SDK2: variants seen among roughly 807,000 people sequenced by gnomAD.
The protein encoded by SDK2 is sidekick cell adhesion molecule 2.
SDK2 carries 105 observed loss-of-function variants against 253.9 expected under a neutral mutation model. The observed-to-expected ratio is 0.41, with a 90% CI of 0.35 to 0.49. The LOEUF (loss-of-function observed/expected upper bound fraction) is 0.49. Among genes scored for constraint, SDK2 ranks in the 20% least tolerant of loss-of-function variants. The probability of loss-of-function intolerance (pLI) is 0.06; values close to 1 mark genes in which losing one functional copy is unlikely to be tolerated. For synonymous variants in SDK2, 1,249 were observed against 1,234.9 expected, an observed-to-expected ratio of 1.01 and a Z score of -0.24; for missense variants, 2,608 against 3,003.0, an observed-to-expected ratio of 0.87 and a Z score of 3.07.
At chr17:73,522,245 C>T (rs2064086072) in intron 1 of SDK2, among the ~76,000 whole-genome samples, 1 of 152,228 alleles carries the variant, frequency 6.6e-6, no homozygotes, top group South Asian at 2.1e-4. Flanking sequence ...GATGGGCTGC[C>T]CCAAAGGCAG....
At chr17:73,561,377 G>C (rs915834040) in intron 1 of SDK2, among the ~76,000 whole-genome samples, 2 of 152,240 alleles carry the variant, frequency 1.3e-5, no homozygotes, top group Non-Finnish European at 2.9e-5. Flanking sequence ...GGCTAGGGTA[G>C]GGAGAGAAGA....
intron 2 of SDK2, among the ~76,000 whole-genome samples, chr17:73,475,941 G>A (rs903578934): frequency 6.6e-6 from 1 of 152,124 alleles, no homozygotes; most frequent in South Asian, 2.1e-4. Flanking sequence ...GCAAAGCCCC[G>A]TTTCTACTAA....
intron 8 of SDK2, among the ~76,000 whole-genome samples, chr17:73,436,163 G>A (rs1460865110): frequency 6.6e-6 from 1 of 152,174 alleles, no homozygotes; most frequent in African/African-American, 2.4e-5. Flanking sequence ...CGAAGAGCAC[G>A]TAGAGGGTCC....
chr17:73,388,051 GA>G lies in SDK2; in HGVS notation c.4193-15del, dbSNP rs1295348877. 1 of 1,555,524 alleles carries G rather than the reference GA, an allele frequency of 6.4e-7. No homozygotes were observed. On this transcript the variant is annotated splice_polypyrimidine_tract_variant and intron_variant, in intron 29 of 44. Coordinates refer to ENST00000392650, the MANE Select transcript of SDK2 (RefSeq NM_001144952.2). ...GCTGCGGACGGTCTGGGAGGTGGCA[GA>G]GGGGGAGGAGCAGGTGAGTGGGCCA...
intron 41 of SDK2, among the ~76,000 whole-genome samples, chr17:73,351,052 T>C (rs1188278269): frequency 6.6e-6 from 1 of 151,812 alleles, no homozygotes; most frequent in Non-Finnish European, 1.5e-5. Flanking sequence ...TAAGATTGAT[T>C]AGTGATGTCT....
chr17:73,356,923 C>T (rs1486152648), intron 40 of SDK2, among the ~76,000 whole-genome samples: 1 of 152,348 alleles, frequency 6.6e-6, no homozygotes, highest in Non-Finnish European at 1.5e-5. Flanking sequence ...CAGGGGCCAA[C>T]ATTCCACAGC....
At chr17:73,391,640 G>C in intron 27 of SDK2, 102 bp from the exon 28 acceptor site, 1 of 471,766 alleles carries the variant, frequency 2.1e-6, no homozygotes, top group African/African-American at 2.0e-5. Context: ...AGGGGGAAGG[G>C]GCCGCCCAGC....
intron 10 of SDK2, 65 bp downstream of exon 10, chr17:73,433,667 C>A (rs1439654805): frequency 4.0e-6 from 5 of 1,254,846 alleles, no homozygotes; most frequent in East Asian, 5.0e-5. Context: ...GGCTCCAGAG[C>A]CTAGTTCTGA....
intron 16 of SDK2, among the ~76,000 whole-genome samples, chr17:73,417,495 T>C (rs2063192586): frequency 6.6e-6 from 1 of 152,038 alleles, no homozygotes; most frequent in Non-Finnish European, 1.5e-5. Context: ...AAGGGTCAAC[T>C]GTAATTTAAG....
intron 1 of SDK2, among the ~76,000 whole-genome samples, chr17:73,628,748 C>A (rs2046233586): frequency 6.6e-6 from 1 of 152,222 alleles, no homozygotes; most frequent in Non-Finnish European, 1.5e-5. Context: ...TGATTCCCAG[C>A]CCTGCAGAGG....
At chr17:73,408,218 ATT>A (rs1315820128) in intron 18 of SDK2, among the ~76,000 whole-genome samples, 16 of 129,532 alleles carry the variant, frequency 1.2e-4, no homozygotes, top group Admixed American at 2.3e-4. Flanking sequence ...CACCTGGCTA[ATT>A]TTTTTTTTTT....
At chr17:73,480,086 C>T (rs528764255) in intron 2 of SDK2, among the ~76,000 whole-genome samples, 1 of 152,322 alleles carries the variant, frequency 6.6e-6, no homozygotes, top group East Asian at 1.9e-4. Context: ...TTTAACGTAT[C>T]CACTCATCTG....
rs866912952 is a variant in SDK2 at position 73,340,252 on chromosome 17, G to A, written c.6166-1312C>T. On this transcript the variant is annotated intron_variant, in intron 44 of 44. Transcript: ENST00000392650. ...GTCTATGACTCAGTGCATTAGGACC[G>A]TCGCAGTGTTGTGCAACCACCACTT... 5.9e-5 allele frequency among the ~76,000 whole-genome samples: 9 copies of A among 152,308 alleles called. 1 individual carries two copies. In the Middle Eastern group the frequency reaches 0.014, roughly 230 times the overall value.
chr17:73,347,525 G>A (rs1355701754), intron 44 of SDK2, among the ~76,000 whole-genome samples: 1 of 152,240 alleles, frequency 6.6e-6, no homozygotes, highest in Non-Finnish European at 1.5e-5. Flanking sequence ...CAAAACAGCA[G>A]TGAGTGGGAG....
chr17:73,381,460 T>TG (rs1456638073), intron 33 of SDK2, among the ~76,000 whole-genome samples: 1 of 151,932 alleles, frequency 6.6e-6, no homozygotes, highest in Non-Finnish European at 1.5e-5. Context: ...CGCAAGCTGT[T>TG]GGATCAGCTA....
intron 1 of SDK2, among the ~76,000 whole-genome samples, chr17:73,631,969 G>A (rs936853525): frequency 6.6e-6 from 1 of 152,188 alleles, no homozygotes; most frequent in Non-Finnish European, 1.5e-5. Flanking sequence ...GGGGGAGGTG[G>A]GAGGGTCCAA....
intron 1 of SDK2, among the ~76,000 whole-genome samples, chr17:73,593,069 A>C (rs2045706385): frequency 6.8e-6 from 1 of 146,888 alleles, no homozygotes; most frequent in Non-Finnish European, 1.5e-5. Flanking sequence ...GGTGGGGGGG[A>C]TTGTTTCTAA....
Position 73,431,766 on chromosome 17 carries a change from C to T in SDK2, c.1313-97G>A, listed in dbSNP as rs886218664. The T allele has an allele frequency of 7.0e-6, 9 of 1,292,092 alleles. No individual in the cohort carries two copies. The highest frequency in any genetic ancestry group is 8.2e-6 in the Non-Finnish European group (8 of 970,712). 80.0% of individuals were successfully genotyped at this position (1,292,092 alleles called of 1,614,324 possible). ...AGGGCAGCATGGTCCCCCCACAGGC[C>T]CCTGGCTCTGGAAATGCTGGAAGGA... On this transcript the variant is annotated intron_variant, in intron 10 of 44. Coordinates refer to ENST00000392650, the MANE Select transcript of SDK2 (RefSeq NM_001144952.2). This position sits in a 1 kb window ranked among gnomAD's most constrained non-coding sequence, Gnocchi z 5.6.
At chr17:73,595,660 G>T (rs2045747079) in intron 1 of SDK2, among the ~76,000 whole-genome samples, 1 of 152,216 alleles carries the variant, frequency 6.6e-6, no homozygotes, top group Non-Finnish European at 1.5e-5. Flanking sequence ...CAGCCCCAGG[G>T]CAGGCAGGAA....
Sources: gnomAD v4.1 joint callset for allele counts (sites outside exome capture counted in the v4.1 genomes callset) on GRCh38, gnomAD v4.1.1 for gene constraint, Gnocchi (gnomAD v3.1) non-coding constraint, MANE v1.5 for transcripts, NCBI Gene and HGNC (gene_info 2026-07-23, HGNC 2026-07-21) for gene names.